The following NELL1 variants were observed in gnomAD, a reference collection of about 807,000 sequenced individuals.
NELL1 encodes the protein neural EGFL like 1, also known as protein kinase C-binding protein NELL1.
A neutral mutation model predicts 107.4 loss-of-function variants in NELL1; 76 were observed. That is an observed-to-expected ratio of 0.71 (90% CI 0.59 to 0.86). The LOEUF (loss-of-function observed/expected upper bound fraction) is 0.86, where lower values mean the gene tolerates loss of function less well. Among genes scored for constraint, NELL1 ranks in the 40% least tolerant of loss-of-function variants. The probability of loss-of-function intolerance (pLI) is 0.00; values close to 1 mark genes in which losing one functional copy is unlikely to be tolerated. For missense variants in NELL1, 1,024 were observed against 1,005.5 expected (o/e 1.02, Z -0.25); for synonymous variants, 353 against 341.2 (o/e 1.03, Z -0.38).
At chr11:21,213,250 T>C (rs1309075252) in intron 13 of NELL1, among the ~76,000 whole-genome samples, 3 of 152,096 alleles carry the variant, frequency 2.0e-5, no homozygotes, top group African/African-American at 7.2e-5. Flanking sequence ...TGGAGAGGCA[T>C]ACTGTATCCA....
Position 20,960,537 on chromosome 11 carries a change from A to G in NELL1, c.1277A>G (p.Gln426Arg). 2.5e-6 allele frequency: 4 copies of G among 1,613,990 alleles called. No individual in the cohort carries two copies. The highest frequency in any genetic ancestry group is 3.4e-6 in the Non-Finnish European group (4 of 1,179,856). The change falls in exon 12 of 20, where the codon CAG becomes CGG. Residue 426 changes from glutamine (Q) to arginine (R), a missense_variant. Transcript: ENST00000357134. ...CECKSGYISV[Q>R]GDSAYCEDID... is the part of the protein sequence containing the mutation. ...TGCAAGAGTGGTTACATCTCTGTCC[A>G]GGGAGACTCTGCCTACTGTGAAGGT...
chr11:21,473,165 C>T (rs1854226265), intron 15 of NELL1, among the ~76,000 whole-genome samples: 7 of 151,964 alleles, frequency 4.6e-5, no homozygotes, highest in Admixed American at 4.6e-4. Context: ...AGCATTTGTA[C>T]TCCACCTTTA....
chr11:21,244,904 T>TA (rs1021164711), intron 14 of NELL1, among the ~76,000 whole-genome samples: 1 of 152,164 alleles, frequency 6.6e-6, no homozygotes, highest in Non-Finnish European at 1.5e-5. Flanking sequence ...GCCTCACTTT[T>TA]ACAACTGGGG....
chr11:21,097,751 C>G (rs1377824805), intron 12 of NELL1, among the ~76,000 whole-genome samples: 1 of 152,060 alleles, frequency 6.6e-6, no homozygotes, highest in Admixed American at 6.6e-5. Flanking sequence ...TGAAGAGAAA[C>G]TCAGAAAGAT....
intron 4 of NELL1, among the ~76,000 whole-genome samples, chr11:20,853,963 A>T (rs1848835537): frequency 6.6e-6 from 1 of 152,130 alleles, no homozygotes; most frequent in Non-Finnish European, 1.5e-5. Context: ...GGCTTTGAGA[A>T]AGTGACATGC....
intron 5 of NELL1, among the ~76,000 whole-genome samples, chr11:20,909,482 C>T (rs1001077847): frequency 3.4e-4 from 51 of 152,126 alleles, no homozygotes; most frequent in African/African-American, 1.2e-3. Context: ...ATAACAAGAA[C>T]TCCAGGGCCG....
chr11:21,050,967 G>A (rs1395139671), intron 12 of NELL1, among the ~76,000 whole-genome samples: 1 of 152,122 alleles, frequency 6.6e-6, no homozygotes, highest in East Asian at 1.9e-4. Flanking sequence ...GGATCCCAGG[G>A]TCAGGAGCCT....
chr11:20,673,281 C>G (rs1426889408), intron 1 of NELL1, among the ~76,000 whole-genome samples: 1 of 152,174 alleles, frequency 6.6e-6, no homozygotes. Context: ...CAGCTTGGAA[C>G]AGGCATAGAG....
chr11:20,973,898 C>G (rs1590482797), intron 12 of NELL1, among the ~76,000 whole-genome samples: 1 of 152,314 alleles, frequency 6.6e-6, no homozygotes, highest in Non-Finnish European at 1.5e-5. Flanking sequence ...CCTCAAAACT[C>G]TAATGGGAAC....
At chr11:21,431,691 T>G (rs1389276617) in intron 15 of NELL1, among the ~76,000 whole-genome samples, 1 of 152,218 alleles carries the variant, frequency 6.6e-6, no homozygotes, top group Non-Finnish European at 1.5e-5. Flanking sequence ...AGTCTCCGTT[T>G]GTGTTGGCCC....
At chr11:21,023,109 A>G (rs1852739402) in intron 12 of NELL1, among the ~76,000 whole-genome samples, 1 of 152,090 alleles carries the variant, frequency 6.6e-6, no homozygotes, top group African/African-American at 2.4e-5. Flanking sequence ...TTATAGGGAA[A>G]TTTGAAAAGC....
At chr11:21,000,400 CCA>C (rs1414763851) in intron 12 of NELL1, among the ~76,000 whole-genome samples, 4 of 152,130 alleles carry the variant, frequency 2.6e-5, no homozygotes, top group Non-Finnish European at 5.9e-5. Context: ...TTTTCGGAAC[CCA>C]GAGTTAAAAT....
intron 15 of NELL1, among the ~76,000 whole-genome samples, chr11:21,425,995 T>C (rs969609527): frequency 1.3e-5 from 2 of 152,210 alleles, no homozygotes; most frequent in Admixed American, 6.5e-5. Context: ...TGCTGGCTTT[T>C]AGGGACTGGA....
chr11:21,480,785 G>A (rs1455136372), intron 15 of NELL1, among the ~76,000 whole-genome samples: 1 of 152,116 alleles, frequency 6.6e-6, no homozygotes, highest in Non-Finnish European at 1.5e-5. Flanking sequence ...ATAATGTTAT[G>A]GCATCCTGTT....
intron 15 of NELL1, among the ~76,000 whole-genome samples, chr11:21,403,703 G>GGA (rs1852154082): frequency 6.6e-6 from 1 of 151,578 alleles, no homozygotes; most frequent in Admixed American, 6.6e-5. Context: ...AGGAAGTGAA[G>GGA]GAGAGAGCAG....
At chr11:21,166,867 T>C (rs1856495337) in intron 13 of NELL1, among the ~76,000 whole-genome samples, 1 of 151,890 alleles carries the variant, frequency 6.6e-6, no homozygotes, top group Non-Finnish European at 1.5e-5. Flanking sequence ...TAAAAGACAA[T>C]GACATTTAGA....
intron 13 of NELL1, among the ~76,000 whole-genome samples, chr11:21,166,385 TA>T (rs1856484643): frequency 6.6e-6 from 1 of 151,912 alleles, no homozygotes; most frequent in South Asian, 2.1e-4. Context: ...AAATCACTTT[TA>T]AAAATTAATC....
intron 1 of NELL1, among the ~76,000 whole-genome samples, chr11:20,674,040 T>C (rs2133845600): frequency 6.6e-6 from 1 of 152,312 alleles, no homozygotes; most frequent in South Asian, 2.1e-4. Context: ...TCCAGAAGCC[T>C]AATTGATTTC....
chr11:20,793,458 T>G (rs1030682765), intron 3 of NELL1, among the ~76,000 whole-genome samples: 1 of 152,112 alleles, frequency 6.6e-6, no homozygotes, highest in African/African-American at 2.4e-5. Context: ...GTTCTTAGTT[T>G]TATTGATCAA....
Sources: gnomAD v4.1 joint callset for allele counts (sites outside exome capture counted in the v4.1 genomes callset) on GRCh38, gnomAD v4.1.1 for gene constraint, MANE v1.5 for transcripts, NCBI Gene and HGNC (gene_info 2026-07-23, HGNC 2026-07-21) for gene names.